ZNF597: variants seen among roughly 807,000 people sequenced by gnomAD.
ZNF597 encodes zinc finger protein 597.
Under a neutral mutation model 7.3 loss-of-function variants are expected in ZNF597, and 5 were observed. The observed-to-expected ratio is 0.68, with a 90% CI of 0.36 to 1.44. The LOEUF is 1.44. Ranked by LOEUF, ZNF597 falls within the 40% of genes most tolerant of loss-of-function variation. ZNF597 has a pLI of 0.04. For missense variants in ZNF597, 585 were observed against 517.9 expected (o/e 1.13, Z -1.26); for synonymous variants, 209 against 185.4 (o/e 1.13, Z -1.04).
At position 3,436,182 on chromosome 16, in the gene ZNF597, C is replaced by T; in HGVS notation, c.*242G>A. On this transcript the variant is annotated 3_prime_UTR_variant, in exon 4 of 4. Transcript: ENST00000301744. ...AAGTTGTGTATCTTCTTCTGGCTCACAGTTGTACAGTAACTGAGTTCAAAT... is the reference window on the plus strand; with the variant it reads ...AAGTTGTGTATCTTCTTCTGGCTCATAGTTGTACAGTAACTGAGTTCAAAT... 2.1e-6 allele frequency: 1 copy of T among 484,534 alleles called. No individual in the cohort carries two copies. The highest frequency in any genetic ancestry group is 3.8e-5 in the Admixed American group (1 of 26,568). The allele number at this position is 484,534 out of a possible 1,614,324, so 30.0% of individuals were successfully genotyped here. A position where few individuals can be genotyped will look rare whatever the true frequency, so the allele number is the denominator to read the frequency against.
Position 3,443,157 on chromosome 16 carries a change from G to A in ZNF597, c.-4C>T. The stretch of plus-strand genomic sequence containing the variant: ...GCGTCGGGGGCATGGACGCCATTTG[G>A]CGGGTGGGGAATGCCTTCTTCAAGA... On this transcript the variant is annotated 5_prime_UTR_variant, in exon 2 of 4. Coordinates refer to ENST00000301744, the MANE Select transcript of ZNF597 (RefSeq NM_152457.3). 5.6e-6 allele frequency: 9 copies of A among 1,612,846 alleles called. No homozygotes were observed. The highest frequency in any genetic ancestry group is 7.6e-6 in the Non-Finnish European group (9 of 1,179,416).
chr16:3,437,247 C>T lies in ZNF597; in HGVS notation c.452G>A (p.Gly151Glu). ...LSEILDSPWE[G>E]AKNVYKCPEC... is the part of the protein sequence containing the mutation. ...AGGACATTTGTACACATTTTTGGCTCCTTCCCAGGGAGAATCAAGAATTTC... is the reference window on the plus strand; with the variant it reads ...AGGACATTTGTACACATTTTTGGCTTCTTCCCAGGGAGAATCAAGAATTTC... Residue 151 changes from glycine to glutamate, a missense_variant, in exon 4 of 4, where the codon GGA (glycine) becomes GAA (glutamate). Coordinates refer to ENST00000301744, the MANE Select transcript of ZNF597 (RefSeq NM_152457.3). 6.2e-7 allele frequency: 1 copy of T among 1,614,182 alleles called. No individual in the cohort carries two copies. Among genetic ancestry groups the T allele is most frequent in the East Asian group, 2.2e-5 (1 of 44,882 alleles).
Position 3,437,491 on chromosome 16 carries a change from T to A in ZNF597, c.208A>T (p.Met70Leu). The change falls in exon 4 of 4, where the codon ATG becomes TTG. Residue 70 changes from methionine to leucine, a missense_variant. Transcript: ENST00000301744. ...TCTAAGGCAAGCTCGTCAAGTTCCA[T>A]AGACTCTAGGCTTAACTGCTGATTA... ...EINQQLSLES[M>L]ELDELALEKY... is the part of the protein sequence containing the mutation. The A allele has an allele frequency of 6.2e-7, 1 of 1,613,952 alleles. No individual in the cohort carries two copies. Among genetic ancestry groups the A allele is most frequent in the Non-Finnish European group, 8.5e-7 (1 of 1,179,974 alleles).
In ZNF597 at chr16:3,434,972, C is replaced by A. The variant is rs2150931965; in HGVS notation, c.*1452G>T. 6.6e-6 allele frequency: 1 copy of A among 152,246 alleles called. No individual in the cohort carries two copies. The highest frequency in any genetic ancestry group is 3.4e-3 in the Middle Eastern group (1 of 294). The allele number at this position is 152,246 out of a possible 1,614,324, so 9.4% of individuals were successfully genotyped here. A position where few individuals can be genotyped will look rare whatever the true frequency, so the allele number is the denominator to read the frequency against. On this transcript the variant is annotated 3_prime_UTR_variant, in exon 4 of 4. Transcript: ENST00000301744. ...TCTATATTTACAACATTCTGTGGTT[C>A]TTTAACATTAATAACCATACCATTT...
chr16:3,434,322 A>C lies in ZNF597; in HGVS notation c.*2102T>G, dbSNP rs1173784963. 1.3e-5 allele frequency: 2 copies of C among 152,252 alleles called. No homozygotes were observed. The highest frequency in any genetic ancestry group is 2.9e-5 in the Non-Finnish European group (2 of 68,060). 9.4% of individuals were successfully genotyped at this position (152,252 alleles called of 1,614,324 possible). Reference sequence around the variant, plus strand: ...AGTTTCTCCCACTGAGGGCAGAAGCAGGAGAGCAAGGAGGTGGTGTTCTTG... The same window carrying C: ...AGTTTCTCCCACTGAGGGCAGAAGCCGGAGAGCAAGGAGGTGGTGTTCTTG... On this transcript the variant is annotated 3_prime_UTR_variant, in exon 4 of 4. Transcript: ENST00000301744.
chr16:3,440,855 G>T lies in ZNF597; in HGVS notation c.112C>A (p.Leu38Ile). ...GACTCTTTTGTACCATCTTTGCTGA[G>T]GGACCTCTGGGCAGGGTGCAGAGTC... is the stretch of plus-strand genomic sequence containing the variant. ...CVTLHPAQRSLSKDGTKESLE... is the reference protein window; with the variant it reads ...CVTLHPAQRSISKDGTKESLE... The change falls in exon 3 of 4, where the codon CTC (leucine) becomes ATC (isoleucine). Residue 38 changes from leucine to isoleucine, a missense_variant. Coordinates refer to ENST00000301744, the MANE Select transcript of ZNF597 (RefSeq NM_152457.3). 2 of 1,614,050 alleles carry T rather than the reference G, an allele frequency of 1.2e-6. No homozygotes were observed. The highest frequency in any genetic ancestry group is 1.7e-6 in the Non-Finnish European group (2 of 1,179,954).
rs1371376275 is a variant in ZNF597, at chr16:3,434,782, CTCCCAGCAAAAAT to C, written c.*1629_*1641del. The C allele has an allele frequency of 2.6e-5, 4 of 152,188 alleles. No individual in the cohort carries two copies. Among genetic ancestry groups the C allele is most frequent in the Non-Finnish European group, 4.4e-5 (3 of 68,036 alleles). 9.4% of individuals were successfully genotyped at this position (152,188 alleles called of 1,614,324 possible). On this transcript the variant is annotated 3_prime_UTR_variant, in exon 4 of 4. Transcript: ENST00000301744. Reference sequence around the variant, plus strand: ...AGTCCTCAAGAGTCCTTTATCTTTTCTCCCAGCAAAAATTCCCAGCAACAATTCAATTTTAGCA... The same window carrying C: ...AGTCCTCAAGAGTCCTTTATCTTTTCTCCCAGCAACAATTCAATTTTAGCA...
chr16:3,432,445 A>ATTAATTGATTAC lies in ZNF597; in HGVS notation c.*3978_*3979insGTAATCAATTAA, dbSNP rs2034265221. 1 of 152,206 alleles carries ATTAATTGATTAC rather than the reference A, an allele frequency of 6.6e-6. No individual in the cohort carries two copies. The highest frequency in any genetic ancestry group is 2.1e-4 in the South Asian group (1 of 4,830). 9.4% of individuals were successfully genotyped at this position (152,206 alleles called of 1,614,324 possible). On this transcript the variant is annotated 3_prime_UTR_variant, in exon 4 of 4. Transcript: ENST00000301744. ...TCATCATAAAATAGCATTTAATAGA[A>ATTAATTGATTAC]GCCAAATTGCACATTAGACGTAATC...
chr16:3,438,157 AG>A (rs2034324403), intron 3 of ZNF597, among the ~76,000 whole-genome samples: 1 of 151,182 alleles, frequency 6.6e-6, no homozygotes, highest in Non-Finnish European at 1.5e-5. Flanking sequence ...ACTTGAGCTC[AG>A]GAGTTTGAGA....
intron 2 of ZNF597, among the ~76,000 whole-genome samples, chr16:3,442,187 A>G (rs374618018): frequency 1.3e-5 from 2 of 152,292 alleles, no homozygotes; most frequent in East Asian, 3.9e-4. Context: ...CTTGGGATTT[A>G]TTATTACTCA....
rs548430465 is a variant in ZNF597, at chr16:3,434,731, C to T, written c.*1693G>A. ...TCCTCAATCTGCTGTTCTGTAGGACCACCTTCTGCTACCTTCCATATAATT... is the reference window on the plus strand; with the variant it reads ...TCCTCAATCTGCTGTTCTGTAGGACTACCTTCTGCTACCTTCCATATAATT... On this transcript the variant is annotated 3_prime_UTR_variant, in exon 4 of 4. Transcript: ENST00000301744. 1.3e-5 allele frequency: 2 copies of T among 152,278 alleles called. No individual in the cohort carries two copies. The highest frequency in any genetic ancestry group is 4.8e-5 in the African/African-American group (2 of 41,568). The allele number at this position is 152,278 out of a possible 1,614,324, so 9.4% of individuals were successfully genotyped here.
In ZNF597 at chr16:3,436,416, T is replaced by A. The variant is rs762125922; in HGVS notation, c.*8A>T. 1.9e-6 allele frequency: 3 copies of A among 1,610,024 alleles called. No homozygotes were observed. Among genetic ancestry groups the A allele is most frequent in the South Asian group, 2.2e-5 (2 of 90,696 alleles). On this transcript the variant is annotated 3_prime_UTR_variant, in exon 4 of 4. Coordinates refer to ENST00000301744, the MANE Select transcript of ZNF597 (RefSeq NM_152457.3). ...CCCAATCACTAATAACAATTTGTTA[T>A]ATTTACTTTACGTGGTGTTTTTTAT...
intron 3 of ZNF597, among the ~76,000 whole-genome samples, chr16:3,440,123 C>G (rs1015402540): frequency 6.6e-6 from 1 of 152,154 alleles, no homozygotes; most frequent in African/African-American, 2.4e-5. Flanking sequence ...TAGTCAGGCA[C>G]AGGAGTCCAT....
rs2034290052 is a variant in ZNF597 at position 3,435,403 on chromosome 16, T to C, written c.*1021A>G. On this transcript the variant is annotated 3_prime_UTR_variant, in exon 4 of 4. Transcript: ENST00000301744. ...GGCTGCCTGCAGTGCTACTACGTGG[T>C]GCAAATGCCAACAAATGCCGCAGTC... 1 of 152,240 alleles carries C rather than the reference T, an allele frequency of 6.6e-6. No homozygotes were observed. 9.4% of individuals were successfully genotyped at this position (152,240 alleles called of 1,614,324 possible). A position where few individuals can be genotyped will look rare whatever the true frequency, so the allele number is the denominator to read the frequency against.
At position 3,433,974 on chromosome 16, in the gene ZNF597, C is replaced by T; in HGVS notation, c.*2450G>A. On this transcript the variant is annotated 3_prime_UTR_variant, in exon 4 of 4. Transcript: ENST00000301744. ...GTAATCTTCCAAAATCTGGAGAAAA[C>T]TGCAAAAAAAAAAATTAGAGGTTAA... 1 of 137,046 alleles carries T rather than the reference C, an allele frequency of 7.3e-6. No individual in the cohort carries two copies. Among genetic ancestry groups the T allele is most frequent in the East Asian group, 2.0e-4 (1 of 5,038 alleles). The allele number at this position is 137,046 out of a possible 1,614,324, so 8.5% of individuals were successfully genotyped here.
chr16:3,442,582 GGA>G (rs1434196883), intron 2 of ZNF597, among the ~76,000 whole-genome samples: 2 of 151,888 alleles, frequency 1.3e-5, no homozygotes, highest in African/African-American at 2.4e-5. Context: ...GGCTGAGGCA[GGA>G]GAATGGCATG....
rs2034286045 is a variant in ZNF597 at position 3,434,940 on chromosome 16, A to C, written c.*1484T>G. The C allele has an allele frequency of 6.6e-6, 1 of 152,372 alleles. No homozygotes were observed. The highest frequency in any genetic ancestry group is 6.5e-5 in the Admixed American group (1 of 15,310). 9.4% of individuals were successfully genotyped at this position (152,372 alleles called of 1,614,324 possible). A position where few individuals can be genotyped will look rare whatever the true frequency, so the allele number is the denominator to read the frequency against. ...ACAATCGACTTTAATGAGAAATTGTATATGAATCTATATTTACAACATTCT... is the reference window on the plus strand; with the variant it reads ...ACAATCGACTTTAATGAGAAATTGTCTATGAATCTATATTTACAACATTCT... On this transcript the variant is annotated 3_prime_UTR_variant, in exon 4 of 4. Transcript: ENST00000301744.
At chr16:3,442,401 C>G (rs186653029) in intron 2 of ZNF597, among the ~76,000 whole-genome samples, 1 of 152,234 alleles carries the variant, frequency 6.6e-6, no homozygotes, top group Admixed American at 6.5e-5. Context: ...TTAGGCCGGG[C>G]GCAGTGGCTC....
chr16:3,435,715 G>A lies in ZNF597; in HGVS notation c.*709C>T, dbSNP rs2034294266. 1 of 152,152 alleles carries A rather than the reference G, an allele frequency of 6.6e-6. No homozygotes were observed. The highest frequency in any genetic ancestry group is 2.4e-5 in the African/African-American group (1 of 41,424). 9.4% of individuals were successfully genotyped at this position (152,152 alleles called of 1,614,324 possible). A position where few individuals can be genotyped will look rare whatever the true frequency, so the allele number is the denominator to read the frequency against. ...GGAGGCAAATCTTAGAAAAGAGCAA[G>A]TACTTCTCCCCCTCCCCAAGTCAAG... On this transcript the variant is annotated 3_prime_UTR_variant, in exon 4 of 4. Coordinates refer to ENST00000301744, the MANE Select transcript of ZNF597 (RefSeq NM_152457.3).
Sources: gnomAD v4.1 joint callset for allele counts (sites outside exome capture counted in the v4.1 genomes callset) on GRCh38, gnomAD v4.1.1 for gene constraint, MANE v1.5 for transcripts, NCBI Gene and HGNC (gene_info 2026-07-23, HGNC 2026-07-21) for gene names.